The following TNRC6B variants were observed in gnomAD, a reference collection of about 807,000 sequenced individuals.
TNRC6B encodes trinucleotide repeat-containing gene 6B protein.
Under a neutral mutation model 203.6 loss-of-function variants are expected in TNRC6B, and 52 were observed. That is an observed-to-expected ratio of 0.26 (90% CI 0.20 to 0.32). The LOEUF (loss-of-function observed/expected upper bound fraction) is 0.32. Ranked by LOEUF, TNRC6B falls within the 10% of genes least tolerant of loss-of-function variation. TNRC6B has a pLI of 1.00. For synonymous variants in TNRC6B, 838 were observed against 845.7 expected, an observed-to-expected ratio of 0.99 and a Z score of 0.16; for missense variants, 1,923 against 2,286.2, an observed-to-expected ratio of 0.84 and a Z score of 3.24.
At chr22:40,120,983 G>GTTT (rs2068439143) in intron 2 of TNRC6B, among the ~76,000 whole-genome samples, 1 of 152,154 alleles carries the variant, frequency 6.6e-6, no homozygotes, top group Non-Finnish European at 1.5e-5. Context: ...TGCAAGCCTG[G>GTTT]TTTCTTCTTC....
intron 1 of TNRC6B, among the ~76,000 whole-genome samples, chr22:40,226,827 G>T (rs980497325): frequency 6.6e-6 from 1 of 152,154 alleles, no homozygotes; most frequent in Non-Finnish European, 1.5e-5. Flanking sequence ...AGAGAGGAGG[G>T]CCCAGAGCCT....
chr22:40,273,485 A>T lies in TNRC6B; in HGVS notation c.3026A>T (p.His1009Leu), dbSNP rs1234809294. Residue 1009 changes from histidine (H) to leucine (L), a missense_variant, in exon 7 of 23, where the codon CAT becomes CTT. Physicochemically the swap from His to Leu is moderately conservative, Grantham distance 99. Transcript: ENST00000454349. ...ESDGPVTGAR[H>L]PSWEEEEDGG... ...GACGGGCCAGTCACAGGAGCTCGCC[A>T]TCCCAGCTGGGAAGAGGAGGAGGAT... 6.2e-7 allele frequency: 1 copy of T among 1,608,484 alleles called. No individual in the cohort carries two copies. Among genetic ancestry groups the T allele is most frequent in the Non-Finnish European group, 8.5e-7 (1 of 1,177,464 alleles).
intron 1 of TNRC6B, among the ~76,000 whole-genome samples, chr22:40,186,505 C>T (rs904727739): frequency 3.3e-5 from 5 of 151,806 alleles, no homozygotes; most frequent in East Asian, 1.9e-4. Context: ...TTTGGGAGGC[C>T]GAGGTGAGCG....
Position 40,285,765 on chromosome 22 carries a change from C to T in TNRC6B, c.3703C>T (p.Pro1235Ser). 2 of 1,613,412 alleles carry T rather than the reference C, an allele frequency of 1.2e-6. No individual in the cohort carries two copies. Among genetic ancestry groups the T allele is most frequent in the Non-Finnish European group, 1.7e-6 (2 of 1,179,736 alleles). ...RAQVPPQFIS[P>S]QVSASMLKQF... Reference sequence around the variant, plus strand: ...GCAAGTGCCTCCCCAGTTTATTTCCCCCCAGGTAAGCAATTTTACGTTCCT... The same window carrying T: ...GCAAGTGCCTCCCCAGTTTATTTCCTCCCAGGTAAGCAATTTTACGTTCCT... The change falls in exon 12 of 23, where the codon CCC (proline) becomes TCC (serine). Residue 1235 changes from proline to serine, a missense_variant. Transcript: ENST00000454349.
At chr22:40,125,354 A>G (rs1250624725) in intron 2 of TNRC6B, among the ~76,000 whole-genome samples, 1 of 152,196 alleles carries the variant, frequency 6.6e-6, no homozygotes, top group African/African-American at 2.4e-5. Context: ...GCCAATTCCA[A>G]TAGCCTTAGC....
chr22:40,261,313 T>G (rs548206253), intron 3 of TNRC6B, among the ~76,000 whole-genome samples: 31 of 151,992 alleles, frequency 2.0e-4, no homozygotes, highest in African/African-American at 7.0e-4. Context: ...GTGCAGTGGC[T>G]CATGCCTGTA....
intron 15 of TNRC6B, among the ~76,000 whole-genome samples, chr22:40,301,799 C>G (rs2071027334): frequency 6.6e-6 from 1 of 152,116 alleles, no homozygotes; most frequent in Non-Finnish European, 1.5e-5. Flanking sequence ...ATCTAAAAAT[C>G]CAAAATGCCC....
At chr22:40,221,178 A>G (rs2069702809) in intron 1 of TNRC6B, among the ~76,000 whole-genome samples, 2 of 152,156 alleles carry the variant, frequency 1.3e-5, no homozygotes, top group Non-Finnish European at 2.9e-5. Context: ...TCACCATTCC[A>G]TGTGACACAG....
chr22:40,081,793 C>T (rs1186261251), intron 1 of TNRC6B, among the ~76,000 whole-genome samples: 1 of 152,174 alleles, frequency 6.6e-6, no homozygotes, highest in Non-Finnish European at 1.5e-5. Flanking sequence ...CTACTCAAGA[C>T]TTTGGATAAG....
chr22:40,071,779 T>TAAA (rs1217044924), intron 1 of TNRC6B, among the ~76,000 whole-genome samples: 1 of 152,224 alleles, frequency 6.6e-6, no homozygotes, highest in Non-Finnish European at 1.5e-5. Context: ...GAGATGGCCT[T>TAAA]TTCTGTGTTA....
intron 22 of TNRC6B, 115 bp from the exon 23 acceptor site, chr22:40,322,739 A>G (rs1255355549): frequency 8.0e-6 from 10 of 1,247,396 alleles, no homozygotes; most frequent in Non-Finnish European, 1.1e-5. Context: ...GTTCATGGAT[A>G]TGGCAGCTTC....
intron 1 of TNRC6B, among the ~76,000 whole-genome samples, chr22:40,114,226 A>G (rs926331306): frequency 2.0e-5 from 3 of 152,184 alleles, no homozygotes; most frequent in African/African-American, 4.8e-5. Flanking sequence ...TTGAATATGT[A>G]TTTCTTTCAA....
At chr22:40,135,704 T>C (rs930667123) in intron 3 of TNRC6B, among the ~76,000 whole-genome samples, 2 of 152,148 alleles carry the variant, frequency 1.3e-5, no homozygotes, top group Non-Finnish European at 2.9e-5. Flanking sequence ...GGTCTCACTA[T>C]GTTGGCCAGG....
chr22:40,181,138 C>A (rs1269385053), intron 1 of TNRC6B, among the ~76,000 whole-genome samples: 1 of 152,136 alleles, frequency 6.6e-6, no homozygotes, highest in African/African-American at 2.4e-5. Flanking sequence ...TGTGAATGGC[C>A]ATTTGTTATT....
At position 40,074,235 on chromosome 22, in the gene TNRC6B, CA is replaced by C. The variant is rs944802253; in HGVS notation, c.-121+29254del. Among the ~76,000 whole-genome samples the C allele has an allele frequency of 9.1e-3, 620 of 68,376 alleles. 3 individuals carry two copies. Among genetic ancestry groups the C allele is most frequent in the African/African-American group, 0.018 (414 of 23,280 alleles). The allele number at this position is 68,376 out of a possible 152,430, so 44.9% of individuals were successfully genotyped here. ...TGACAGAGTGAAGGTCGCTCTGTCT[CA>C]AAAAAAAAAAAAAAAAGAAAAGAAA... On this transcript the variant is annotated intron_variant, in intron 1 of 23. Coordinates refer to the TNRC6B transcript ENST00000301923.
At chr22:40,094,595 GTTTCAC>G (rs991110371) in intron 1 of TNRC6B, among the ~76,000 whole-genome samples, 2 of 152,166 alleles carry the variant, frequency 1.3e-5, no homozygotes, top group Non-Finnish European at 2.9e-5. Context: ...TAAAACAGCT[GTTTCAC>G]TTTCATTTCT....
intron 1 of TNRC6B, among the ~76,000 whole-genome samples, chr22:40,052,250 T>G (rs1341543027): frequency 6.6e-6 from 1 of 152,122 alleles, no homozygotes; most frequent in Non-Finnish European, 1.5e-5. Flanking sequence ...GTGTCATTGT[T>G]TTTTTCATAT....
intron 1 of TNRC6B, among the ~76,000 whole-genome samples, chr22:40,092,142 C>T (rs1172125979): frequency 6.6e-6 from 1 of 152,138 alleles, no homozygotes; most frequent in Non-Finnish European, 1.5e-5. Context: ...TTGGCTCACG[C>T]CTGTAATCCC....
chr22:40,262,734 C>T (rs754838201), intron 4 of TNRC6B, among the ~76,000 whole-genome samples: 9 of 152,068 alleles, frequency 5.9e-5, no homozygotes, highest in Non-Finnish European at 1.3e-4. Context: ...CTGAAAGGTT[C>T]TACTAGAAGT....
Sources: gnomAD v4.1 joint callset for allele counts (sites outside exome capture counted in the v4.1 genomes callset) on GRCh38, gnomAD v4.1.1 for gene constraint, MANE v1.5 for transcripts, NCBI Gene and HGNC (gene_info 2026-07-23, HGNC 2026-07-21) for gene names.